RNFT2: variants seen among roughly 807,000 people sequenced by gnomAD.
RNFT2 encodes E3 ubiquitin-protein ligase RNFT2.
RNFT2 carries 36 observed loss-of-function variants against 53.0 expected under a neutral mutation model. The observed-to-expected ratio is 0.68, with a 90% CI of 0.52 to 0.90. The LOEUF (loss-of-function observed/expected upper bound fraction) is 0.90. RNFT2 is among the 40% of genes least tolerant of loss of function. RNFT2 has a pLI of 0.00. For missense variants in RNFT2, 514 were observed against 585.6 expected (o/e 0.88, Z 1.26); for synonymous variants, 260 against 253.2 (o/e 1.03, Z -0.26).
At chr12:116,806,311 A>AGTG (rs1407744121) in intron 7 of RNFT2, among the ~76,000 whole-genome samples, 1 of 151,634 alleles carries the variant, frequency 6.6e-6, no homozygotes, top group Non-Finnish European at 1.5e-5. Flanking sequence ...TGGAGGTTGC[A>AGTG]GTGAGCCCAG....
At chr12:116,832,923 G>A (rs79244509) in intron 7 of RNFT2, among the ~76,000 whole-genome samples, 1 of 8,758 alleles carries the variant, frequency 1.1e-4, no homozygotes, top group African/African-American at 3.6e-4. Flanking sequence ...TTTTTTTTTT[G>A]AGATGGAGTC....
At chr12:116,787,135 A>T (rs1445299213) in intron 7 of RNFT2, among the ~76,000 whole-genome samples, 2 of 152,120 alleles carry the variant, frequency 1.3e-5, no homozygotes, top group South Asian at 2.1e-4. Context: ...CCTTTACTAC[A>T]CTGAGGCTGA....
chr12:116,846,851 G>A (rs1877642920), intron 10 of RNFT2, among the ~76,000 whole-genome samples: 1 of 150,568 alleles, frequency 6.6e-6, no homozygotes, highest in Non-Finnish European at 1.5e-5. Context: ...GCATCTCCCA[G>A]GAACAAGGAC....
chr12:116,848,574 A>G (rs74625612), intron 10 of RNFT2, among the ~76,000 whole-genome samples: 8,686 of 151,862 alleles, frequency 0.057, 367 homozygotes, highest in African/African-American at 0.12. Flanking sequence ...CATCCACCCC[A>G]ACAACCCCAG....
chr12:116,797,157 G>A (rs1475246755), intron 7 of RNFT2, among the ~76,000 whole-genome samples: 1 of 152,182 alleles, frequency 6.6e-6, no homozygotes, highest in Non-Finnish European at 1.5e-5. Flanking sequence ...CAAATGTTAT[G>A]GATTGAACTG....
intron 7 of RNFT2, among the ~76,000 whole-genome samples, chr12:116,805,099 C>T (rs541997972): frequency 2.7e-4 from 40 of 148,748 alleles, no homozygotes; most frequent in African/African-American, 9.9e-4. Flanking sequence ...GACACATTAT[C>T]AAGAAAGGGT....
intron 7 of RNFT2, among the ~76,000 whole-genome samples, chr12:116,821,224 C>T (rs1289237892): frequency 2.0e-5 from 3 of 151,790 alleles, no homozygotes; most frequent in Non-Finnish European, 4.4e-5. Context: ...TGTTTCTATC[C>T]ACTTCCCTCC....
intron 5 of RNFT2, among the ~76,000 whole-genome samples, chr12:116,757,116 G>A (rs1414284241): frequency 6.6e-6 from 1 of 152,072 alleles, no homozygotes; most frequent in Non-Finnish European, 1.5e-5. Context: ...TGTGCATAAA[G>A]GTGTTCATAG....
intron 7 of RNFT2, among the ~76,000 whole-genome samples, chr12:116,782,592 T>C (rs1039678292): frequency 1.3e-5 from 2 of 152,142 alleles, no homozygotes; most frequent in Non-Finnish European, 2.9e-5. Flanking sequence ...GTGGACATTT[T>C]TGGGTGGGCG....
intron 4 of RNFT2, among the ~76,000 whole-genome samples, chr12:116,751,337 C>A (rs950025762): frequency 3.3e-5 from 5 of 152,094 alleles, no homozygotes; most frequent in African/African-American, 1.2e-4. Context: ...GATAATGATT[C>A]ATAAAGTGCT....
intron 7 of RNFT2, among the ~76,000 whole-genome samples, chr12:116,803,831 A>G (rs1874923492): frequency 6.6e-6 from 1 of 152,348 alleles, no homozygotes; most frequent in Non-Finnish European, 1.5e-5. Flanking sequence ...CAGGGGGCCA[A>G]TGAGGGAAGG....
intron 7 of RNFT2, among the ~76,000 whole-genome samples, chr12:116,787,718 G>A (rs73220455): frequency 1.4e-3 from 199 of 140,976 alleles, no homozygotes; most frequent in Non-Finnish European, 1.7e-3. Flanking sequence ...GTCTCTAAAA[G>A]AAAAAAAAAA....
chr12:116,745,388 T>C (rs913348988), intron 3 of RNFT2, among the ~76,000 whole-genome samples: 1 of 152,072 alleles, frequency 6.6e-6, no homozygotes, highest in Non-Finnish European at 1.5e-5. Context: ...TTGGCCAGGC[T>C]GGTCTCAAAC....
chr12:116,816,120 C>CCA (rs2137173083), intron 7 of RNFT2, among the ~76,000 whole-genome samples: 1 of 152,282 alleles, frequency 6.6e-6, no homozygotes, highest in Non-Finnish European at 1.5e-5. Flanking sequence ...GGGAAGAGAA[C>CCA]GCCTTTTCGT....
intron 4 of RNFT2, among the ~76,000 whole-genome samples, chr12:116,752,345 G>A (rs914845509): frequency 1.3e-5 from 2 of 152,186 alleles, no homozygotes; most frequent in African/African-American, 4.8e-5. Context: ...TCCTAGAAGT[G>A]AAAGCTGGCA....
chr12:116,843,897 T>G (rs1447319482), intron 10 of RNFT2, among the ~76,000 whole-genome samples: 1 of 152,194 alleles, frequency 6.6e-6, no homozygotes, highest in Non-Finnish European at 1.5e-5. Flanking sequence ...ACAGAGCCCC[T>G]ACTCTGTACC....
intron 4 of RNFT2, among the ~76,000 whole-genome samples, chr12:116,750,878 A>AT (rs1374827835): frequency 1.6e-3 from 5 of 3,218 alleles, no homozygotes; most frequent in African/African-American, 1.0e-3. Flanking sequence ...TATAATATAT[A>AT]TATTATATAT....
rs74668907 is a variant in RNFT2 at position 116,742,565 on chromosome 12, C to T, written c.83+1471C>T. The stretch of plus-strand genomic sequence containing the variant: ...CTGGGATTATAAGCGCAAGCCACCA[C>T]GCCTGGCCTCAAGGTGCTCTTTAGT... On this transcript the variant is annotated intron_variant, in intron 3 of 10. Coordinates refer to ENST00000257575, the MANE Select transcript of RNFT2 (RefSeq NM_001382266.1). Among the ~76,000 whole-genome samples the T allele has an allele frequency of 2.8e-4, 43 of 152,272 alleles. No homozygotes were observed. The East Asian group carries it at 4.4e-3, about 16-fold the overall frequency.
At chr12:116,793,006 C>T (rs557903291) in intron 7 of RNFT2, among the ~76,000 whole-genome samples, 4 of 152,192 alleles carry the variant, frequency 2.6e-5, no homozygotes, top group East Asian at 3.9e-4. Flanking sequence ...TTAATCATCC[C>T]GCTGCCAATG....
Sources: allele counts gnomAD v4.1 joint callset (sites outside exome capture counted in the v4.1 genomes callset), GRCh38; gene constraint gnomAD v4.1.1; transcripts MANE v1.5; gene names NCBI Gene and HGNC (gene_info 2026-07-23, HGNC 2026-07-21).